Variants in BNC2 observed in about 807,000 individuals in gnomAD.
BNC2 encodes zinc finger protein basonuclin-2.
Under a neutral mutation model 76.3 loss-of-function variants are expected in BNC2, and 20 were observed. The ratio of observed to expected loss-of-function variants is 0.26; its 90% CI spans 0.18 to 0.38. BNC2 has a LOEUF of 0.38. Among genes scored for constraint, BNC2 ranks in the 10% least tolerant of loss-of-function variants. The pLI is 1.00. For missense variants in BNC2, 1,382 were observed against 1,399.8 expected, an observed-to-expected ratio of 0.99 and a Z score of 0.20; for synonymous variants, 582 against 514.8, an observed-to-expected ratio of 1.13 and a Z score of -1.77.
At chr9:16,486,901 A>C (rs1410574066) in intron 5 of BNC2, among the ~76,000 whole-genome samples, 1 of 152,006 alleles carries the variant, frequency 6.6e-6, no homozygotes, top group African/African-American at 2.4e-5. Context: ...TTTTTTATAG[A>C]GATAACGTCT....
At chr9:16,818,027 G>C (rs571766466) in intron 1 of BNC2, among the ~76,000 whole-genome samples, 3 of 152,226 alleles carry the variant, frequency 2.0e-5, no homozygotes, top group Admixed American at 1.3e-4. Context: ...CTGGGGAAGA[G>C]GCTGGAGATG....
chr9:16,465,935 C>A (rs899677544), intron 5 of BNC2, among the ~76,000 whole-genome samples: 12 of 145,934 alleles, frequency 8.2e-5, no homozygotes, highest in African/African-American at 3.1e-4. Context: ...AAAACCCCAT[C>A]GTCTCAGCCC....
chr9:16,839,703 A>G (rs149484879), intron 1 of BNC2, among the ~76,000 whole-genome samples: 1 of 152,354 alleles, frequency 6.6e-6, no homozygotes, highest in East Asian at 1.9e-4. Flanking sequence ...CAAAACTAGA[A>G]GTACACTGGC....
At chr9:16,862,739 C>T (rs1475939516) in intron 1 of BNC2, among the ~76,000 whole-genome samples, 4 of 151,974 alleles carry the variant, frequency 2.6e-5, no homozygotes. Context: ...AAAATTATGG[C>T]CTTCATCTTC....
intron 5 of BNC2, among the ~76,000 whole-genome samples, chr9:16,552,272 GAGAA>G (rs1329873255): frequency 6.6e-6 from 1 of 152,132 alleles, no homozygotes; most frequent in Non-Finnish European, 1.5e-5. Context: ...CCATGATGTA[GAGAA>G]AGAGTTGAAT....
At chr9:16,483,281 A>G (rs972665927) in intron 5 of BNC2, among the ~76,000 whole-genome samples, 1 of 152,230 alleles carries the variant, frequency 6.6e-6, no homozygotes, top group Admixed American at 6.5e-5. Flanking sequence ...TGATACAAGC[A>G]ACTGACCATA....
intron 3 of BNC2, among the ~76,000 whole-genome samples, chr9:16,708,798 A>T (rs534441424): frequency 6.6e-6 from 1 of 152,136 alleles, no homozygotes; most frequent in African/African-American, 2.4e-5. Context: ...GAGCCCCACA[A>T]CAAAACAGTG....
chr9:16,513,167 A>T (rs1428634288), intron 5 of BNC2, among the ~76,000 whole-genome samples: 1 of 152,108 alleles, frequency 6.6e-6, no homozygotes, highest in Non-Finnish European at 1.5e-5. Context: ...AAAACATAAT[A>T]ATGAAATAAA....
intron 4 of BNC2, among the ~76,000 whole-genome samples, chr9:16,571,721 C>G (rs745767708): frequency 6.6e-6 from 1 of 151,982 alleles, no homozygotes; most frequent in African/African-American, 2.4e-5. Context: ...TCTCTTTAGC[C>G]TAATCTTTTT....
chr9:16,444,003 C>T (rs1254303425), intron 5 of BNC2, among the ~76,000 whole-genome samples: 1 of 152,212 alleles, frequency 6.6e-6, no homozygotes. Flanking sequence ...AATTAAATCA[C>T]GCAAATTGCT....
rs557305829 is a variant in BNC2 at position 16,844,089 on chromosome 9, A to C, written c.3+26557T>G. On this transcript the variant is annotated intron_variant, in intron 1 of 6. Transcript: ENST00000380672. Reference sequence around the variant, plus strand: ...AGCCTGGGCAACATAGTGAGTCACCATCTCTACAAAAATAATAATAATAAA... The same window carrying C: ...AGCCTGGGCAACATAGTGAGTCACCCTCTCTACAAAAATAATAATAATAAA... Among the ~76,000 whole-genome samples the C allele has an allele frequency of 3.1e-4, 47 of 152,210 alleles. 1 individual carries two copies. In the South Asian group the frequency reaches 9.5e-3, roughly 31 times the overall value.
At chr9:16,843,092 T>C (rs553212147) in intron 1 of BNC2, among the ~76,000 whole-genome samples, 15 of 152,338 alleles carry the variant, frequency 9.8e-5, no homozygotes, top group African/African-American at 2.6e-4. Context: ...TGAGGGTAAA[T>C]CTTATCTGTT....
intron 3 of BNC2, among the ~76,000 whole-genome samples, chr9:16,671,998 T>C (rs2134186969): frequency 6.6e-6 from 1 of 152,312 alleles, no homozygotes; most frequent in East Asian, 1.9e-4. Context: ...GAACAAATCA[T>C]TCATGGGTGA....
intron 4 of BNC2, among the ~76,000 whole-genome samples, chr9:16,559,204 A>T (rs1437063671): frequency 6.6e-6 from 1 of 152,182 alleles, no homozygotes; most frequent in Non-Finnish European, 1.5e-5. Context: ...ATTTGTCCAA[A>T]CCATGGCCCA....
At chr9:16,789,613 C>T (rs1817444384) in intron 1 of BNC2, among the ~76,000 whole-genome samples, 1 of 152,238 alleles carries the variant, frequency 6.6e-6, no homozygotes, top group Non-Finnish European at 1.5e-5. Context: ...ACCTCTCATA[C>T]ACTCAGGCTA....
chr9:16,531,234 C>A (rs954339437), intron 5 of BNC2, among the ~76,000 whole-genome samples: 3 of 152,148 alleles, frequency 2.0e-5, no homozygotes, highest in Non-Finnish European at 4.4e-5. Context: ...AAAGGCCACT[C>A]CAGGGCTACT....
chr9:16,659,153 G>C lies in BNC2; in HGVS notation c.330+68644C>G, dbSNP rs565554157. On this transcript the variant is annotated intron_variant, in intron 3 of 6. Coordinates refer to ENST00000380672, the MANE Select transcript of BNC2 (RefSeq NM_017637.6). ...GTAAATGGCAGATGGATGGCGGGGG[G>C]GGGCATGTGAATGCACACACGTGCA... Among the ~76,000 whole-genome samples, 1,399 of 152,220 alleles carry C rather than the reference G, an allele frequency of 9.2e-3. 17 individuals are homozygous for C. The highest frequency in any genetic ancestry group is 0.031 in the African/African-American group (1,276 of 41,558).
chr9:16,580,000 A>T (rs2133008282), intron 4 of BNC2: 1 of 397,896 alleles, frequency 2.5e-6, no homozygotes, highest in East Asian at 3.6e-5. Flanking sequence ...TTGCTGTTCC[A>T]TGCATTTCAG....
At chr9:16,746,975 A>G (rs894675041) in intron 1 of BNC2, among the ~76,000 whole-genome samples, 1 of 151,514 alleles carries the variant, frequency 6.6e-6, no homozygotes, top group African/African-American at 2.4e-5. Context: ...AAAAAAAAAA[A>G]TTAATCCATG....
Sources: allele counts gnomAD v4.1 joint callset (sites outside exome capture counted in the v4.1 genomes callset), GRCh38; gene constraint gnomAD v4.1.1; transcripts MANE v1.5; gene names NCBI Gene and HGNC (gene_info 2026-07-23, HGNC 2026-07-21).